LACTBL1: variants seen among roughly 807,000 people sequenced by gnomAD.
The protein encoded by LACTBL1 is beta-lactamase-like protein 1.
In LACTBL1, 29 loss-of-function variants were observed where a neutral mutation model predicts 39.6. The observed-to-expected ratio is 0.73, with a 90% CI of 0.55 to 1.00. The LOEUF (loss-of-function observed/expected upper bound fraction) is 1.00. Among genes scored for constraint, LACTBL1 ranks in the 50% least tolerant of loss-of-function variants. The probability of loss-of-function intolerance (pLI) is 0.00; values close to 1 mark genes in which losing one functional copy is unlikely to be tolerated. For synonymous variants in LACTBL1, 361 were observed against 360.7 expected, an observed-to-expected ratio of 1.00 and a Z score of -0.01; for missense variants, 711 against 748.5, an observed-to-expected ratio of 0.95 and a Z score of 0.59.
intron 5 of LACTBL1, 133 bp from the exon 8 acceptor site, chr1:22,954,157 CTGGAAGAGACT>C: frequency 7.0e-7 from 1 of 1,426,720 alleles, no homozygotes; most frequent in Non-Finnish European, 9.2e-7. Flanking sequence ...GTGGTCAGAC[CTGGAAGAGACT>C]TTGGAGCACT....
chr1:22,954,938 C>G (rs1043717851), intron 5 of LACTBL1, among the ~76,000 whole-genome samples: 1 of 152,238 alleles, frequency 6.6e-6, no homozygotes, highest in African/African-American at 2.4e-5. Context: ...ATCCACTCCC[C>G]ATCTGGTCAG....
At chr1:22,967,668 C>A (rs1640897270), upstream of LACTBL1, among the ~76,000 whole-genome samples, 1 of 152,080 alleles carries the variant, frequency 6.6e-6, no homozygotes, top group East Asian at 1.9e-4. Context: ...GAGAGACAGA[C>A]AGACAGACTT....
intron 4 of LACTBL1, among the ~76,000 whole-genome samples, chr1:22,955,799 A>G (rs917515683): frequency 6.6e-6 from 1 of 152,220 alleles, no homozygotes; most frequent in Non-Finnish European, 1.5e-5. Context: ...GCGGTGGCTC[A>G]CACCTGTAAT....
At chr1:22,963,818 G>A (rs1640851136) in intron 1 of LACTBL1, among the ~76,000 whole-genome samples, 1 of 152,108 alleles carries the variant, frequency 6.6e-6, no homozygotes, top group Non-Finnish European at 1.5e-5. Context: ...GGGGTGTGAA[G>A]GGGGATGAGC....
chr1:22,953,567 A>G, exon 6 of LACTBL1: 2 of 1,250,228 alleles, frequency 1.6e-6, no homozygotes, highest in Non-Finnish European at 2.0e-6. Flanking sequence ...ACCAGCGAGA[A>G]GGTGGCGGCG....
At chr1:22,968,524 AGTTGGACT>A (rs1183674086), upstream of LACTBL1, among the ~76,000 whole-genome samples, 20 of 152,290 alleles carry the variant, frequency 1.3e-4, no homozygotes, top group African/African-American at 4.8e-4. Context: ...GATTTTCTGC[AGTTGGACT>A]GTTCTCCCTT....
upstream of LACTBL1, among the ~76,000 whole-genome samples, chr1:22,966,359 C>T (rs1557436529): frequency 6.6e-6 from 1 of 152,192 alleles, no homozygotes. Context: ...ATTGCATTAA[C>T]TCCTCCTTGC....
Position 22,963,220 on chromosome 1 carries a change from G to A in LACTBL1, c.50-4C>T. On this transcript the variant is annotated splice_polypyrimidine_tract_variant and splice_region_variant and intron_variant, in intron 1 of 5. Coordinates refer to ENST00000426928, the Ensembl canonical transcript of LACTBL1. ...GTCTCCTCTGGTCCCAGGGAACCTGGAGGGAACATCACATGGTGAGGAGGG... is the reference window on the plus strand; with the variant it reads ...GTCTCCTCTGGTCCCAGGGAACCTGAAGGGAACATCACATGGTGAGGAGGG... 7.4e-7 allele frequency: 1 copy of A among 1,348,360 alleles called. No homozygotes were observed. Among genetic ancestry groups the A allele is most frequent in the Non-Finnish European group, 9.6e-7 (1 of 1,041,166 alleles). The allele number at this position is 1,348,360 out of a possible 1,614,324, so 83.5% of individuals were successfully genotyped here. A position where few individuals can be genotyped will look rare whatever the true frequency, so the allele number is the denominator to read the frequency against.
upstream of LACTBL1, among the ~76,000 whole-genome samples, chr1:22,968,234 G>T (rs1179361911): frequency 6.6e-6 from 1 of 152,134 alleles, no homozygotes; most frequent in Admixed American, 6.6e-5. Context: ...AACATACTGG[G>T]TAGTGTAGTA....
intron 5 of LACTBL1, 53 bp downstream of exon 7, chr1:22,955,268 G>T: frequency 7.1e-7 from 1 of 1,402,764 alleles, no homozygotes; most frequent in Non-Finnish European, 9.8e-7. Context: ...AGGCAGGTGT[G>T]TCTCCCCAGG....
Position 22,953,998 on chromosome 1 carries a change from G to T in LACTBL1, c.686C>A (p.Ser229Ter), listed in dbSNP as rs138431960. The stretch of plus-strand genomic sequence containing the variant: ...AGCTGCCAGGACGTGGGCCAGGAGC[G>T]AGAAGGCCAGCGTGCTGTAATGGCA... The change falls in exon 6 of 6, where the codon TCG becomes TAG. Residue 229 changes from serine (S) to a stop codon, truncating the protein, a stop_gained. Coordinates refer to ENST00000426928, the Ensembl canonical transcript of LACTBL1. LOFTEE classifies it high-confidence loss of function. The T allele has an allele frequency of 0.014, 20,969 of 1,542,568 alleles. 227 individuals carry two copies. The highest frequency in any genetic ancestry group is 0.034 in the South Asian group (2,846 of 83,450).
chr1:22,953,650 G>A (rs976490400), exon 6 of LACTBL1: 1 of 1,271,474 alleles, frequency 7.9e-7, no homozygotes, highest in South Asian at 3.1e-5. Flanking sequence ...CGGCGTGCCC[G>A]TCTCGTTGGC....
In LACTBL1 at chr1:22,953,934, C is replaced by A. The variant is rs1157410935; in HGVS notation, c.750G>T (p.Glu250Asp). The A allele has an allele frequency of 6.5e-6, 10 of 1,550,252 alleles. No homozygotes were observed. The African/African-American group carries it at 1.4e-4, about 21-fold the overall frequency. Residue 250 changes from glutamate to aspartate, a missense_variant, in exon 6 of 6, where the codon GAG becomes GAT. Physicochemically the swap from Glu to Asp is conservative, Grantham distance 45 (BLOSUM62 2). Coordinates refer to ENST00000426928, the Ensembl canonical transcript of LACTBL1. ...CCATCCCCAGCGGCTCCAGCACGTT[C>A]TCCGAGACCCAGCGCTGGTAGTCGC... is the stretch of plus-strand genomic sequence containing the variant.
At chr1:22,965,865 C>T (rs1245417704), upstream of LACTBL1, among the ~76,000 whole-genome samples, 3 of 152,140 alleles carry the variant, frequency 2.0e-5, no homozygotes, top group Non-Finnish European at 2.9e-5. Context: ...ATATTTCATT[C>T]TTCTACTTAT....
chr1:22,967,632 T>C (rs947153765), upstream of LACTBL1, among the ~76,000 whole-genome samples: 3 of 151,574 alleles, frequency 2.0e-5, no homozygotes, highest in African/African-American at 7.3e-5. Context: ...AATGGTTCCA[T>C]ACATATATAT....
chr1:22,968,185 G>A (rs527388765), upstream of LACTBL1, among the ~76,000 whole-genome samples: 1 of 152,222 alleles, frequency 6.6e-6, no homozygotes, highest in Admixed American at 6.5e-5. Flanking sequence ...ACAATTCTGG[G>A]TTATTCATTT....
At chr1:22,957,069 AT>A (rs1463244408) in intron 4 of LACTBL1, among the ~76,000 whole-genome samples, 1 of 152,092 alleles carries the variant, frequency 6.6e-6, no homozygotes, top group Non-Finnish European at 1.5e-5. Context: ...ATATACACAT[AT>A]CCATTATATA....
intron 4 of LACTBL1, among the ~76,000 whole-genome samples, chr1:22,957,097 ATTAT>A (rs373185461): frequency 1.2e-4 from 18 of 152,180 alleles, no homozygotes; most frequent in Non-Finnish European, 2.2e-4. Context: ...TATTATTTTA[ATTAT>A]TTATATGGTA....
chr1:22,965,363 G>T, upstream of LACTBL1: 1 of 1,274,740 alleles, frequency 7.8e-7, no homozygotes. Flanking sequence ...GGCAGAAGAA[G>T]CTGCAGATGG....
Sources: allele counts gnomAD v4.1 joint callset (sites outside exome capture counted in the v4.1 genomes callset), GRCh38; gene constraint gnomAD v4.1.1; transcripts MANE v1.5; gene names NCBI Gene and HGNC (gene_info 2026-07-23, HGNC 2026-07-21).